CREB5: variants seen among roughly 807,000 people sequenced by gnomAD.
CREB5 encodes the protein cyclic AMP-responsive element-binding protein 5.
A neutral mutation model predicts 57.1 loss-of-function variants in CREB5; 19 were observed. The ratio of observed to expected loss-of-function variants is 0.33; its 90% CI spans 0.23 to 0.49. The LOEUF is 0.49. Among genes scored for constraint, CREB5 ranks in the 20% least tolerant of loss-of-function variants. The pLI, the probability that CREB5 is intolerant of heterozygous loss-of-function variation, is 0.99. For missense variants in CREB5, 579 were observed against 671.6 expected (o/e 0.86, Z 1.52); for synonymous variants, 238 against 238.3 (o/e 1.00, Z 0.01).
intron 1 of CREB5, among the ~76,000 whole-genome samples, chr7:28,376,846 C>A (rs1583407159): frequency 2.0e-5 from 3 of 152,284 alleles, no homozygotes; most frequent in East Asian, 1.9e-4. Flanking sequence ...GTTGCTGAGA[C>A]CTGCCATGTA....
chr7:28,523,000 C>T (rs1243862070), intron 4 of CREB5, among the ~76,000 whole-genome samples: 4 of 152,130 alleles, frequency 2.6e-5, no homozygotes, highest in South Asian at 2.1e-4. Context: ...TGTTCTGTGC[C>T]TGGTTGTACA....
chr7:28,745,497 T>G (rs1358935294), intron 7 of CREB5, among the ~76,000 whole-genome samples: 1 of 152,212 alleles, frequency 6.6e-6, no homozygotes, highest in African/African-American at 2.4e-5. Flanking sequence ...ATAGCCAGGC[T>G]CAGAATATGC....
intron 5 of CREB5, among the ~76,000 whole-genome samples, chr7:28,628,971 G>A (rs1468626096): frequency 2.0e-5 from 3 of 151,988 alleles, no homozygotes; most frequent in African/African-American, 4.8e-5. Context: ...TCTCCCCCAC[G>A]TCCCCTCTTC....
upstream of CREB5, among the ~76,000 whole-genome samples, chr7:28,408,718 C>CATG (rs1787644574): frequency 6.6e-6 from 1 of 152,130 alleles, no homozygotes; most frequent in Admixed American, 6.5e-5. Context: ...CTGTGTATTT[C>CATG]ATGAGAGTGT....
chr7:28,737,570 TA>T lies in CREB5; in HGVS notation c.702+13239del, dbSNP rs1562606696. On this transcript the variant is annotated intron_variant, in intron 7 of 10. Coordinates refer to ENST00000357727, the MANE Select transcript of CREB5 (RefSeq NM_182898.4). ...ATATATATATATATATATATATATA[TA>T]TATATATATATATATATTTTTAACT... Among the ~76,000 whole-genome samples the T allele has an allele frequency of 1.8e-3, 88 of 47,978 alleles. 1 individual carries two copies. Among genetic ancestry groups the T allele is most frequent in the African/African-American group, 3.3e-3 (48 of 14,354 alleles). 31.5% of individuals were successfully genotyped at this position (47,978 alleles called of 152,430 possible). A position where few individuals can be genotyped will look rare whatever the true frequency, so the allele number is the denominator to read the frequency against.
intron 1 of CREB5, among the ~76,000 whole-genome samples, chr7:28,366,022 A>T (rs1786579411): frequency 6.6e-6 from 1 of 152,196 alleles, no homozygotes; most frequent in African/African-American, 2.4e-5. Flanking sequence ...GTGAAATCTA[A>T]ACACCATAGA....
chr7:28,593,587 A>G (rs138598755), intron 5 of CREB5, among the ~76,000 whole-genome samples: 32 of 152,346 alleles, frequency 2.1e-4, no homozygotes, highest in Non-Finnish European at 4.1e-4. Flanking sequence ...ATGCCTCCAG[A>G]AGAATGGTTG....
At chr7:28,764,661 T>C (rs887508223) in intron 7 of CREB5, among the ~76,000 whole-genome samples, 4 of 152,236 alleles carry the variant, frequency 2.6e-5, no homozygotes, top group African/African-American at 9.6e-5. Flanking sequence ...TTTGTAAAGC[T>C]ACTATCTCCC....
intron 7 of CREB5, among the ~76,000 whole-genome samples, chr7:28,762,285 A>G (rs1805705297): frequency 6.6e-6 from 1 of 152,200 alleles, no homozygotes; most frequent in African/African-American, 2.4e-5. Context: ...GAAATTTTGT[A>G]TGGTTAGAAT....
chr7:28,501,593 G>A (rs556626944), intron 3 of CREB5, among the ~76,000 whole-genome samples: 1 of 152,228 alleles, frequency 6.6e-6, no homozygotes, highest in Non-Finnish European at 1.5e-5. Flanking sequence ...AGGCAATCAG[G>A]GACTCAGTGG....
intron 5 of CREB5, among the ~76,000 whole-genome samples, chr7:28,585,848 C>G (rs950915150): frequency 6.6e-6 from 1 of 152,122 alleles, no homozygotes; most frequent in African/African-American, 2.4e-5. Context: ...AGGCTGCAGA[C>G]ACCTGTGCGG....
chr7:28,330,108 T>C (rs947103300), intron 1 of CREB5, among the ~76,000 whole-genome samples: 1 of 152,198 alleles, frequency 6.6e-6, no homozygotes, highest in East Asian at 1.9e-4. Flanking sequence ...GCCACAGGTT[T>C]CAAAGGACAT....
chr7:28,560,875 C>CGTGTGTGTGCGTGTGT (rs1238154632), intron 4 of CREB5, among the ~76,000 whole-genome samples: 5 of 19,220 alleles, frequency 2.6e-4, no homozygotes, highest in Admixed American at 6.5e-4. Flanking sequence ...CCTGCGTGCG[C>CGTGTGTGTGCGTGTGT]GTGCGTGCGT....
chr7:28,777,198 CTTAA>C (rs1229762317), intron 7 of CREB5, among the ~76,000 whole-genome samples: 1 of 152,202 alleles, frequency 6.6e-6, no homozygotes, highest in Non-Finnish European at 1.5e-5. Context: ...ACATTTCTAG[CTTAA>C]TTGTCTTCAT....
chr7:28,381,787 A>G (rs1786972466), intron 1 of CREB5, among the ~76,000 whole-genome samples: 1 of 152,244 alleles, frequency 6.6e-6, no homozygotes, highest in Admixed American at 6.5e-5. Flanking sequence ...TCTCTCTCCA[A>G]GAGGAACTTG....
At chr7:28,699,835 C>T (rs1052961010) in intron 5 of CREB5, among the ~76,000 whole-genome samples, 5 of 152,158 alleles carry the variant, frequency 3.3e-5, no homozygotes, top group Non-Finnish European at 5.9e-5. Context: ...TGCCCAAGAG[C>T]TCCAGTGCCT....
chr7:28,359,433 G>T (rs1260524466), intron 1 of CREB5, among the ~76,000 whole-genome samples: 1 of 152,158 alleles, frequency 6.6e-6, no homozygotes, highest in African/African-American at 2.4e-5. Context: ...ACGGCCAATT[G>T]ATTTTTGACA....
rs765938158 is a variant in CREB5, at chr7:28,770,497, G to A, written c.703-33702G>A. Among the ~76,000 whole-genome samples the A allele has an allele frequency of 2.8e-4, 43 of 152,096 alleles. 1 individual carries two copies. Among genetic ancestry groups the A allele is most frequent in the Admixed American group, 1.2e-3 (18 of 15,272 alleles). Reference sequence around the variant, plus strand: ...GAATGGAACTTTTTTTTATATGAGTGGGTACATTTGTACCTTTCATCATGA... The same window carrying A: ...GAATGGAACTTTTTTTTATATGAGTAGGTACATTTGTACCTTTCATCATGA... On this transcript the variant is annotated intron_variant, in intron 7 of 10. Transcript: ENST00000357727.
chr7:28,620,267 A>G (rs140779068), intron 5 of CREB5, among the ~76,000 whole-genome samples: 24 of 152,316 alleles, frequency 1.6e-4, no homozygotes, highest in African/African-American at 5.5e-4. Context: ...GCAGGGTCTC[A>G]CTATGTTACC....
Sources: gnomAD v4.1 joint callset for allele counts (sites outside exome capture counted in the v4.1 genomes callset) on GRCh38, gnomAD v4.1.1 for gene constraint, MANE v1.5 for transcripts, NCBI Gene and HGNC (gene_info 2026-07-23, HGNC 2026-07-21) for gene names.